Variants in EPHA6 observed in about 807,000 individuals in gnomAD.
EPHA6 encodes the protein ephrin type-A receptor 6.
Under a neutral mutation model 112.0 loss-of-function variants are expected in EPHA6, and 50 were observed. The observed-to-expected ratio is 0.45, with a 90% CI of 0.36 to 0.56. The LOEUF is 0.56. EPHA6 is among the 20% of genes least tolerant of loss of function. The pLI, the probability that EPHA6 is intolerant of heterozygous loss-of-function variation, is 0.00. For synonymous variants in EPHA6, 529 were observed against 490.7 expected, an observed-to-expected ratio of 1.08 and a Z score of -1.03; for missense variants, 1,280 against 1,417.4, an observed-to-expected ratio of 0.90 and a Z score of 1.56.
chr3:97,402,661 T>C (rs1182553710), intron 5 of EPHA6, among the ~76,000 whole-genome samples: 2 of 152,158 alleles, frequency 1.3e-5, no homozygotes, highest in East Asian at 3.8e-4. Flanking sequence ...TTTTCTTATA[T>C]GCGACATTAT....
chr3:96,899,057 A>C lies in EPHA6; in HGVS notation c.450+32168A>C, dbSNP rs184059673. 2.6e-3 allele frequency among the ~76,000 whole-genome samples: 387 copies of C among 149,854 alleles called. 1 individual carries two copies. The highest frequency in any genetic ancestry group is 6.9e-3 in the Middle Eastern group (2 of 290). On this transcript the variant is annotated intron_variant, in intron 2 of 17. Transcript: ENST00000389672. ...AAAAAAACAAAAACAAACAAACAAA[A>C]AAAAAACAGGAATTTATTGCCTCAC...
intron 2 of EPHA6, among the ~76,000 whole-genome samples, chr3:96,936,397 A>C (rs1465357216): frequency 1.3e-5 from 2 of 152,040 alleles, no homozygotes; most frequent in African/African-American, 2.4e-5. Flanking sequence ...TAAACCTAAA[A>C]AAAAATCAAG....
intron 1 of EPHA6, among the ~76,000 whole-genome samples, chr3:96,823,496 A>G (rs1010515156): frequency 2.7e-5 from 4 of 149,982 alleles, no homozygotes; most frequent in African/African-American, 9.8e-5. Context: ...TTTTTTTAAT[A>G]TTAAAAATCT....
At chr3:96,991,872 C>T (rs1482784718) in intron 3 of EPHA6, among the ~76,000 whole-genome samples, 2 of 152,112 alleles carry the variant, frequency 1.3e-5, no homozygotes, top group African/African-American at 2.4e-5. Context: ...AATTTTCTCC[C>T]ATTCCGAAAG....
Position 97,288,612 on chromosome 3 carries a change from G to T in EPHA6, c.1606+44325G>T, listed in dbSNP as rs376751009. Among the ~76,000 whole-genome samples, 78 of 152,030 alleles carry T rather than the reference G, an allele frequency of 5.1e-4. No homozygotes were observed. The East Asian group carries it at 7.6e-3, about 15-fold the overall frequency. On this transcript the variant is annotated intron_variant, in intron 5 of 17. Coordinates refer to ENST00000389672, the MANE Select transcript of EPHA6 (RefSeq NM_001080448.3). ...TATGTACACGTTAATGAGATTGCTG[G>T]GTCAGATGGTAGTTCTAAGTTCTTC...
At chr3:96,910,788 A>C (rs1237237860) in intron 2 of EPHA6, among the ~76,000 whole-genome samples, 1 of 152,012 alleles carries the variant, frequency 6.6e-6, no homozygotes, top group Non-Finnish European at 1.5e-5. Flanking sequence ...CTTAACCTCC[A>C]TTCTTTTCTT....
At chr3:97,230,453 A>C (rs2078490574) in intron 4 of EPHA6, among the ~76,000 whole-genome samples, 1 of 152,156 alleles carries the variant, frequency 6.6e-6, no homozygotes, top group Non-Finnish European at 1.5e-5. Context: ...GCTTAATATT[A>C]TAAATTATAT....
At chr3:97,265,392 A>G (rs765500332) in intron 5 of EPHA6, among the ~76,000 whole-genome samples, 10 of 152,092 alleles carry the variant, frequency 6.6e-5, no homozygotes, top group Non-Finnish European at 1.5e-4. Context: ...CTTCTCTCTC[A>G]TCACTCGTCG....
intron 5 of EPHA6, among the ~76,000 whole-genome samples, chr3:97,267,092 C>T (rs890280660): frequency 2.6e-5 from 4 of 152,168 alleles, no homozygotes; most frequent in Non-Finnish European, 5.9e-5. Context: ...AATTAGTTGC[C>T]TACACTTTTT....
chr3:97,634,657 GACCCCTT>G (rs1440406400), intron 13 of EPHA6, among the ~76,000 whole-genome samples: 1 of 152,046 alleles, frequency 6.6e-6, no homozygotes, highest in East Asian at 1.9e-4. Flanking sequence ...CCAAGGCCAT[GACCCCTT>G]TACACGAGCA....
chr3:97,586,317 C>T (rs1400118749), intron 11 of EPHA6, among the ~76,000 whole-genome samples: 97 of 152,102 alleles, frequency 6.4e-4, no homozygotes, highest in Admixed American at 1.3e-3. Context: ...GTTAAGGATA[C>T]GCGAAATAAA....
chr3:97,239,293 T>C (rs2078773063), intron 4 of EPHA6, among the ~76,000 whole-genome samples: 2 of 151,998 alleles, frequency 1.3e-5, no homozygotes, highest in South Asian at 4.1e-4. Flanking sequence ...AATTTGTATG[T>C]TTTGAAAATG....
At chr3:97,179,704 C>T (rs2076931552) in intron 3 of EPHA6, among the ~76,000 whole-genome samples, 1 of 139,088 alleles carries the variant, frequency 7.2e-6, no homozygotes, top group African/African-American at 3.0e-5. Context: ...TTACTTTCTG[C>T]CAAACCTACA....
chr3:97,306,847 T>G (rs2081341492), intron 5 of EPHA6, among the ~76,000 whole-genome samples: 1 of 151,422 alleles, frequency 6.6e-6, no homozygotes, highest in Admixed American at 6.6e-5. Context: ...AAATTTTTTT[T>G]GAAGTAGGTT....
At chr3:97,301,637 A>G (rs1277291715) in intron 5 of EPHA6, among the ~76,000 whole-genome samples, 4 of 152,142 alleles carry the variant, frequency 2.6e-5, no homozygotes, top group Non-Finnish European at 5.9e-5. Flanking sequence ...CATTTGATCC[A>G]GTGCTCTTAT....
chr3:97,300,486 C>T (rs535042329), intron 5 of EPHA6, among the ~76,000 whole-genome samples: 18 of 152,112 alleles, frequency 1.2e-4, no homozygotes, highest in Admixed American at 2.0e-4. Context: ...TCACTTTTTC[C>T]ACAAAGCATG....
At chr3:97,597,479 A>G (rs1187278159) in intron 12 of EPHA6, among the ~76,000 whole-genome samples, 1 of 152,234 alleles carries the variant, frequency 6.6e-6, no homozygotes, top group East Asian at 1.9e-4. Context: ...TCCTTTGGAA[A>G]GAGATTTGGA....
chr3:97,121,287 C>A (rs1402687912), intron 3 of EPHA6, among the ~76,000 whole-genome samples: 1 of 152,000 alleles, frequency 6.6e-6, no homozygotes, highest in Non-Finnish European at 1.5e-5. Flanking sequence ...TAAGTAGTAA[C>A]CAGCTGGGCG....
At chr3:97,659,735 C>T (rs1202844996) in intron 14 of EPHA6, among the ~76,000 whole-genome samples, 1 of 151,912 alleles carries the variant, frequency 6.6e-6, no homozygotes, top group Non-Finnish European at 1.5e-5. Flanking sequence ...GCAGGCACTA[C>T]TTTGAAAAAT....
Sources: allele counts gnomAD v4.1 joint callset (sites outside exome capture counted in the v4.1 genomes callset), GRCh38; gene constraint gnomAD v4.1.1; transcripts MANE v1.5; gene names NCBI Gene and HGNC (gene_info 2026-07-23, HGNC 2026-07-21).